Variants in BMP5 observed in about 807,000 individuals in gnomAD.
BMP5 encodes bone morphogenetic protein 5.
A neutral mutation model predicts 46.6 loss-of-function variants in BMP5; 23 were observed. The observed-to-expected ratio is 0.49, with a 90% CI of 0.35 to 0.70. BMP5 has a LOEUF of 0.70. BMP5 is among the 30% of genes least tolerant of loss of function. The pLI is 0.00. For synonymous variants in BMP5, 204 were observed against 191.9 expected (o/e 1.06, Z -0.52); for missense variants, 545 against 565.6 (o/e 0.96, Z 0.37).
At chr6:55,819,628 A>G (rs148318469) in intron 2 of BMP5, 27 bp downstream of exon 2, 1 of 1,557,030 alleles carries the variant, frequency 6.4e-7, no homozygotes, top group Non-Finnish European at 8.8e-7. Flanking sequence ...ATTTGCCAGG[A>G]TAATAAGTTA....
At position 55,874,975 on chromosome 6, in the gene BMP5, T is replaced by A; in HGVS notation, c.-110A>T. 1.5e-6 allele frequency: 2 copies of A among 1,295,192 alleles called. No homozygotes were observed. Among genetic ancestry groups the A allele is most frequent in the Non-Finnish European group, 2.2e-6 (2 of 930,100 alleles). The allele number at this position is 1,295,192 out of a possible 1,614,324, so 80.2% of individuals were successfully genotyped here. A position where few individuals can be genotyped will look rare whatever the true frequency, so the allele number is the denominator to read the frequency against. On this transcript the variant is annotated 5_prime_UTR_variant, in exon 1 of 7. It removes the in-frame stop codon of an upstream open reading frame in the 5' UTR. Coordinates refer to ENST00000370830, the MANE Select transcript of BMP5 (RefSeq NM_021073.4). ...TTTCCCAGTAGCTGAAAAAACAAAT[T>A]TACCTATTTTTCATGACAGTGACAT...
At chr6:55,770,805 G>T (rs1188138258) in intron 4 of BMP5, among the ~76,000 whole-genome samples, 2 of 151,814 alleles carry the variant, frequency 1.3e-5, no homozygotes, top group Non-Finnish European at 2.9e-5. Flanking sequence ...TGTGTCTCAG[G>T]GAATAGGGAA....
intron 1 of BMP5, among the ~76,000 whole-genome samples, chr6:55,853,790 T>G (rs1452552216): frequency 6.6e-6 from 1 of 152,038 alleles, no homozygotes; most frequent in Non-Finnish European, 1.5e-5. Flanking sequence ...ACACATGGGG[T>G]GAGTAAGAAC....
chr6:55,838,273 T>C (rs1392939942), intron 1 of BMP5, among the ~76,000 whole-genome samples: 1 of 152,140 alleles, frequency 6.6e-6, no homozygotes, highest in African/African-American at 2.4e-5. Context: ...TGTACCAGGG[T>C]TCCCTTTTCT....
intron 1 of BMP5, among the ~76,000 whole-genome samples, chr6:55,853,840 A>G (rs1202708068): frequency 6.6e-6 from 1 of 152,156 alleles, no homozygotes; most frequent in African/African-American, 2.4e-5. Flanking sequence ...TCACTGTGCT[A>G]TCATTGTTTA....
intron 1 of BMP5, among the ~76,000 whole-genome samples, chr6:55,859,990 CAG>C (rs1777491732): frequency 6.6e-6 from 1 of 152,194 alleles, no homozygotes; most frequent in South Asian, 2.1e-4. Flanking sequence ...CTGAAAAGGA[CAG>C]AGAAATGTTT....
At chr6:55,765,745 A>C (rs1181277545) in intron 4 of BMP5, among the ~76,000 whole-genome samples, 1 of 152,160 alleles carries the variant, frequency 6.6e-6, no homozygotes, top group African/African-American at 2.4e-5. Flanking sequence ...TATTTTGTAG[A>C]TATATTAACA....
intron 1 of BMP5, among the ~76,000 whole-genome samples, chr6:55,862,729 C>A (rs1301266129): frequency 6.6e-6 from 1 of 152,040 alleles, no homozygotes; most frequent in Non-Finnish European, 1.5e-5. Flanking sequence ...CGGATATTTC[C>A]TTGAAAGTCA....
At chr6:55,764,589 A>AAAG in intron 4 of BMP5, among the ~76,000 whole-genome samples, 1 of 147,558 alleles carries the variant, frequency 6.8e-6, no homozygotes, top group Non-Finnish European at 1.5e-5. Context: ...AAAAAAAAAG[A>AAAG]AAAAAAGAAA....
chr6:55,775,829 A>C (rs1775160699), intron 3 of BMP5, among the ~76,000 whole-genome samples: 1 of 151,846 alleles, frequency 6.6e-6, no homozygotes, highest in Non-Finnish European at 1.5e-5. Context: ...AGAGAACAAG[A>C]CCGTCAGAAA....
chr6:55,866,978 C>G (rs1428843636), intron 1 of BMP5, among the ~76,000 whole-genome samples: 1 of 152,130 alleles, frequency 6.6e-6, no homozygotes, highest in African/African-American at 2.4e-5. Flanking sequence ...TGAAGTAATT[C>G]TAGAACACTT....
At chr6:55,776,552 A>G (rs1775177273) in intron 3 of BMP5, among the ~76,000 whole-genome samples, 1 of 151,844 alleles carries the variant, frequency 6.6e-6, no homozygotes, top group South Asian at 2.1e-4. Flanking sequence ...GGAGTACAAC[A>G]TAAAAAAGTA....
chr6:55,767,468 A>G (rs1250119272), intron 4 of BMP5, among the ~76,000 whole-genome samples: 1 of 152,024 alleles, frequency 6.6e-6, no homozygotes, highest in East Asian at 1.9e-4. Context: ...TTCCCACTTT[A>G]TACATGAGGA....
chr6:55,807,010 T>C (rs1460178679), intron 2 of BMP5, among the ~76,000 whole-genome samples: 1 of 152,228 alleles, frequency 6.6e-6, no homozygotes, highest in Non-Finnish European at 1.5e-5. Context: ...TCATGCCATC[T>C]GCAAACAGAG....
chr6:55,856,730 A>C (rs1202480615), intron 1 of BMP5, among the ~76,000 whole-genome samples: 1 of 152,048 alleles, frequency 6.6e-6, no homozygotes, highest in African/African-American at 2.4e-5. Context: ...TGATTGATTT[A>C]ACTGTTCCAT....
rs933486477 is a variant in BMP5, at chr6:55,874,676, T to G, written c.190A>C (p.Arg64=). The change falls in exon 1 of 7, where the codon AGA becomes CGA. Residue 64 remains arginine (R), a synonymous_variant. Coordinates refer to ENST00000370830, the MANE Select transcript of BMP5 (RefSeq NM_021073.4). ...EILSILGLPH[R]PRPFSPGKQA... is the part of the protein sequence containing the mutation. ...TTTCCAGGTGAAAATGGTCTGGGTCTGTGAGGCAAACCCAAGATAGAGAGA... is the reference window on the plus strand; with the variant it reads ...TTTCCAGGTGAAAATGGTCTGGGTCGGTGAGGCAAACCCAAGATAGAGAGA... The G allele has an allele frequency of 5.0e-6, 8 of 1,613,574 alleles. No individual in the cohort carries two copies. Among genetic ancestry groups the G allele is most frequent in the African/African-American group, 4.0e-5 (3 of 74,870 alleles).
chr6:55,802,366 GACT>G (rs1362134448), intron 2 of BMP5, among the ~76,000 whole-genome samples: 1 of 152,106 alleles, frequency 6.6e-6, no homozygotes, highest in African/African-American at 2.4e-5. Context: ...AGGGAAATTG[GACT>G]ACTACTACCA....
intron 6 of BMP5, among the ~76,000 whole-genome samples, chr6:55,756,658 A>G (rs1189020774): frequency 6.6e-6 from 1 of 151,962 alleles, no homozygotes; most frequent in Non-Finnish European, 1.5e-5. Flanking sequence ...CCTGGCTGAA[A>G]TGATATAGGG....
intron 1 of BMP5, among the ~76,000 whole-genome samples, chr6:55,834,575 A>T (rs897138278): frequency 2.6e-5 from 4 of 152,140 alleles, no homozygotes; most frequent in African/African-American, 9.7e-5. Flanking sequence ...GATTATGGCT[A>T]TAAAAATTTA....
Sources: allele counts gnomAD v4.1 joint callset (sites outside exome capture counted in the v4.1 genomes callset), GRCh38; gene constraint gnomAD v4.1.1; transcripts MANE v1.5; gene names NCBI Gene and HGNC (gene_info 2026-07-23, HGNC 2026-07-21).